The following SNX21 variants were observed in gnomAD, a reference collection of about 807,000 sequenced individuals.
SNX21 encodes sorting nexin family member 21, also known as sorting nexin-21.
A neutral mutation model predicts 30.9 loss-of-function variants in SNX21; 36 were observed. The ratio of observed to expected loss-of-function variants is 1.16; its 90% CI spans 0.89 to 1.54. The LOEUF is 1.54. SNX21 is among the 40% of genes most tolerant of loss of function. SNX21 has a pLI of 0.00. For synonymous variants in SNX21, 218 were observed against 222.7 expected (o/e 0.98, Z 0.19); for missense variants, 508 against 516.5 (o/e 0.98, Z 0.16).
rs1334188479 is a variant in SNX21, at chr20:45,841,125, C to A, written c.934C>A (p.Leu312Met). 6 of 1,611,296 alleles carry A rather than the reference C, an allele frequency of 3.7e-6. No homozygotes were observed. Among genetic ancestry groups the A allele is most frequent in the Non-Finnish European group, 4.2e-6 (5 of 1,179,100 alleles). ...ARACCEKALQLLGDKSLHPLL... is the reference protein window; with the variant it reads ...ARACCEKALQMLGDKSLHPLL... The stretch of plus-strand genomic sequence containing the variant: ...GGCATGCTGTGAGAAGGCCCTGCAG[C>A]TGCTTGGGGACAAGAGCCTCCACCC... Residue 312 changes from leucine to methionine, a missense_variant, in exon 4 of 4, where the codon CTG (leucine) becomes ATG (methionine). By Grantham distance (15) the Leu-to-Met change is conservative. Coordinates refer to ENST00000491381, the MANE Select transcript of SNX21 (RefSeq NM_033421.4).
chr20:45,840,590 CG>C (rs1568729781), intron 3 of SNX21, 48 bp from the exon 4 acceptor site: 1 of 1,613,964 alleles, frequency 6.2e-7, no homozygotes, highest in South Asian at 1.1e-5. Context: ...GGGGAGGGAA[CG>C]GGCCCGTGGA....
chr20:45,838,241 TTTTC>T (rs937603013), intron 3 of SNX21: 10 of 134,256 alleles, frequency 7.4e-5, no homozygotes, highest in African/African-American at 3.5e-4. Context: ...AACTAATTCT[TTTTC>T]TTTTTCTTTT....
chr20:45,836,490 CAAAAAAAAAAA>C (rs74176824), intron 3 of SNX21, among the ~76,000 whole-genome samples: 6 of 51,338 alleles, frequency 1.2e-4, no homozygotes, highest in South Asian at 1.2e-3. Context: ...GACTCCGTCT[CAAAAAAAAAAA>C]AAAAAAAAAA....
rs924985850 is a variant in SNX21, at chr20:45,834,370, C to T, written c.191C>T (p.Thr64Ile). ...CGACTCAGCGGCACCCTCAGCTTCA[C>T]CAGCGCCGAGGACGACGAGGACGAC... ...SSRLSGTLSF[T>I]SAEDDEDDED... is the part of the protein sequence containing the mutation. The change falls in exon 2 of 4, where the codon ACC (threonine) becomes ATC (isoleucine). Residue 64 changes from threonine (T) to isoleucine (I), a missense_variant. Transcript: ENST00000491381. 1 of 1,603,732 alleles carries T rather than the reference C, an allele frequency of 6.2e-7. No homozygotes were observed. The highest frequency in any genetic ancestry group is 8.5e-7 in the Non-Finnish European group (1 of 1,177,978).
At chr20:45,837,038 C>T (rs1180085147) in intron 3 of SNX21, among the ~76,000 whole-genome samples, 1 of 152,144 alleles carries the variant, frequency 6.6e-6, no homozygotes, top group Non-Finnish European at 1.5e-5. Flanking sequence ...GAGATAAGGA[C>T]CTTCCTTGCA....
intron 3 of SNX21, 39 bp downstream of exon 3, chr20:45,835,155 A>C (rs764016351): frequency 6.4e-7 from 1 of 1,574,550 alleles, no homozygotes; most frequent in Non-Finnish European, 8.6e-7. Flanking sequence ...GTGAGTCCAG[A>C]AGTATGGCTA....
Position 45,841,135 on chromosome 20 carries a change from A to C in SNX21, c.944A>C (p.Asp315Ala), listed in dbSNP as rs2145750452. The C allele has an allele frequency of 6.2e-7, 1 of 1,612,630 alleles. No individual in the cohort carries two copies. The change falls in exon 4 of 4, where the codon GAC becomes GCC. Residue 315 changes from aspartate to alanine, a missense_variant. By Grantham distance (126) the Asp-to-Ala change is moderately radical. Transcript: ENST00000491381. ...CCEKALQLLGDKSLHPLLAPF... is the reference protein window; with the variant it reads ...CCEKALQLLGAKSLHPLLAPF... ...GAGAAGGCCCTGCAGCTGCTTGGGG[A>C]CAAGAGCCTCCACCCTTTGCTGGCA...
rs1983320958 is a variant in SNX21 at position 45,834,393 on chromosome 20, G to A, written c.214G>A (p.Asp72Asn). The A allele has an allele frequency of 6.3e-7, 1 of 1,598,338 alleles. No homozygotes were observed. Among genetic ancestry groups the A allele is most frequent in the Non-Finnish European group, 8.5e-7 (1 of 1,172,534 alleles). The change falls in exon 2 of 4, where the codon GAC becomes AAC. Residue 72 changes from aspartate to asparagine, a missense_variant. By Grantham distance (23) the Asp-to-Asn change is conservative (BLOSUM62 1). Coordinates refer to ENST00000491381, the MANE Select transcript of SNX21 (RefSeq NM_033421.4). ...SFTSAEDDED[D>N]EDEDDEEAGP... The stretch of plus-strand genomic sequence containing the variant: ...CACCAGCGCCGAGGACGACGAGGAC[G>A]ACGAGGACGAGGACGACGAGGAGGC...
At position 45,842,033 on chromosome 20, in the gene SNX21, A is replaced by G; in HGVS notation, c.*720A>G. The G allele has an allele frequency of 6.4e-7, 1 of 1,563,178 alleles. No individual in the cohort carries two copies. On this transcript the variant is annotated 3_prime_UTR_variant, in exon 4 of 4. Coordinates refer to ENST00000491381, the MANE Select transcript of SNX21 (RefSeq NM_033421.4). ...ACTTTTTTTTTTTTTCCTGAAACAG[A>G]GTCTCACTAAGTTGCCAGGCTGGTC... is the stretch of plus-strand genomic sequence containing the variant.
chr20:45,834,087 G>T, intron 1 of SNX21, 114 bp from the exon 2 acceptor site: 1 of 1,397,336 alleles, frequency 7.2e-7, no homozygotes, highest in South Asian at 1.5e-5. Context: ...CCAGGGGGTG[G>T]GGCCTCACCG....
chr20:45,835,127 G>T lies in SNX21; in HGVS notation c.447+11G>T, dbSNP rs1188856610. On this transcript the variant is annotated intron_variant, in intron 3 of 3. Transcript: ENST00000491381. The stretch of plus-strand genomic sequence containing the variant: ...CCCTCCAAGTACGTGGTGAGTGAGG[G>T]TCTAGAACCCCTGGGCTGTGAGTCC... 6.2e-7 allele frequency: 1 copy of T among 1,606,960 alleles called. No individual in the cohort carries two copies. The highest frequency in any genetic ancestry group is 8.5e-7 in the Non-Finnish European group (1 of 1,175,396).
chr20:45,837,838 T>C (rs1288104292), intron 3 of SNX21, among the ~76,000 whole-genome samples: 3 of 151,692 alleles, frequency 2.0e-5, no homozygotes, highest in Non-Finnish European at 4.4e-5. Flanking sequence ...AGTGGTGCAA[T>C]CTCAGCTCAC....
intron 3 of SNX21, among the ~76,000 whole-genome samples, chr20:45,839,518 C>T (rs747401071): frequency 6.6e-6 from 1 of 150,982 alleles, no homozygotes; most frequent in Non-Finnish European, 1.5e-5. Flanking sequence ...AGCGAGACTC[C>T]GTCTCAAAAA....
chr20:45,842,690 A>ATG lies in SNX21; in HGVS notation c.*1381_*1382dup, dbSNP rs1166943760. The ATG allele has an allele frequency of 1.0e-6, 1 of 989,920 alleles. No individual in the cohort carries two copies. Among genetic ancestry groups the ATG allele is most frequent in the East Asian group, 1.1e-4 (1 of 8,900 alleles). The allele number at this position is 989,920 out of a possible 1,614,324, so 61.3% of individuals were successfully genotyped here. A position where few individuals can be genotyped will look rare whatever the true frequency, so the allele number is the denominator to read the frequency against. On this transcript the variant is annotated 3_prime_UTR_variant, in exon 4 of 4. Coordinates refer to ENST00000491381, the MANE Select transcript of SNX21 (RefSeq NM_033421.4). The stretch of plus-strand genomic sequence containing the variant: ...CTCACAGTAGCCAAATGAAGCAGTT[A>ATG]TGTGTTGTCCAGTTTTCCAGACCAG...
At chr20:45,840,453 C>T in intron 3 of SNX21, 186 bp from the exon 4 acceptor site, 1 of 1,614,224 alleles carries the variant, frequency 6.2e-7, no homozygotes, top group Non-Finnish European at 8.5e-7. Context: ...TTCAGACAAA[C>T]CTCAGGTAAG....
intron 3 of SNX21, chr20:45,838,201 C>G (rs948983480): frequency 2.0e-5 from 3 of 152,054 alleles, no homozygotes; most frequent in Non-Finnish European, 4.4e-5. Flanking sequence ...TCTGCCTCAG[C>G]CTCCTGAGTA....
At chr20:45,834,855 G>T in intron 2 of SNX21, 104 bp from the exon 3 acceptor site, 1 of 1,417,842 alleles carries the variant, frequency 7.1e-7, no homozygotes, top group Non-Finnish European at 9.6e-7. Context: ...CTGTAAAAAG[G>T]GGGTAAGTCC....
At position 45,841,929 on chromosome 20, in the gene SNX21, C is replaced by T. The variant is rs150475004; in HGVS notation, c.*616C>T. ...TAGGACTCCATCCTGACGCCACAGC[C>T]GCCCATGGACCAGCCCCCGAGAGCC... On this transcript the variant is annotated 3_prime_UTR_variant, in exon 4 of 4. Transcript: ENST00000491381. The T allele has an allele frequency of 6.2e-6, 10 of 1,613,104 alleles. No homozygotes were observed. Among genetic ancestry groups the T allele is most frequent in the African/African-American group, 2.7e-5 (2 of 74,916 alleles).
rs200181120 is a variant in SNX21, at chr20:45,840,831, C to T, written c.640C>T (p.Arg214Trp). Residue 214 changes from arginine (R) to tryptophan (W), a missense_variant, in exon 4 of 4, where the codon CGG becomes TGG. Physicochemically the swap from Arg to Trp is moderately radical, Grantham distance 101. Transcript: ENST00000491381. ...TGCAGAGACCATTGCCCGCCGTAGC[C>T]GGGCCTTTGAGCAGTTTTTGGGTCA... is the stretch of plus-strand genomic sequence containing the variant. ...FTAETIARRS[R>W]AFEQFLGHLQ... 108 of 1,613,878 alleles carry T rather than the reference C, an allele frequency of 6.7e-5. No individual in the cohort carries two copies. Among genetic ancestry groups the T allele is most frequent in the East Asian group, 2.2e-5 (1 of 44,902 alleles).
Sources: allele counts gnomAD v4.1 joint callset (sites outside exome capture counted in the v4.1 genomes callset), GRCh38; gene constraint gnomAD v4.1.1; transcripts MANE v1.5; gene names NCBI Gene and HGNC (gene_info 2026-07-23, HGNC 2026-07-21).